Variants in PLXNA4 observed in about 807,000 individuals in gnomAD.
The protein encoded by PLXNA4 is plexin-A4.
Under a neutral mutation model 191.8 loss-of-function variants are expected in PLXNA4, and 44 were observed. The observed-to-expected ratio is 0.23, with a 90% CI of 0.18 to 0.29. The LOEUF (loss-of-function observed/expected upper bound fraction) is 0.29, where lower values mean the gene tolerates loss of function less well. Among genes scored for constraint, PLXNA4 ranks in the 10% least tolerant of loss-of-function variants. PLXNA4 has a pLI of 1.00. For missense variants in PLXNA4, 1,800 were observed against 2,488.8 expected (o/e 0.72, Z 5.89); for synonymous variants, 1,082 against 1,009.5 (o/e 1.07, Z -1.36).
intron 3 of PLXNA4, among the ~76,000 whole-genome samples, chr7:132,410,610 A>G (rs1794417107): frequency 6.6e-6 from 1 of 152,182 alleles, no homozygotes; most frequent in Non-Finnish European, 1.5e-5. Flanking sequence ...TAGAGGAAGG[A>G]GGGTTACCAA....
rs563507501 is a variant in PLXNA4, at chr7:132,215,386, G to A, written c.2098-4243C>T. 6.6e-5 allele frequency among the ~76,000 whole-genome samples: 10 copies of A among 152,336 alleles called. No individual in the cohort carries two copies. In the South Asian group the frequency reaches 8.3e-4, roughly 13 times the overall value. ...AAAATGAAGGGATTGGTTTGGATTC[G>A]ATGAATTGTGTAGTCCCTGGAATAT... On this transcript the variant is annotated intron_variant, in intron 9 of 31. Coordinates refer to ENST00000321063, the MANE Select transcript of PLXNA4 (RefSeq NM_020911.2).
intron 1 of PLXNA4, among the ~76,000 whole-genome samples, chr7:132,513,842 T>G (rs1798834125): frequency 6.6e-6 from 1 of 151,134 alleles, no homozygotes; most frequent in Non-Finnish European, 1.5e-5. Flanking sequence ...GCCTGGCTAA[T>G]TTTTGTACTT....
chr7:132,304,770 A>ACC (rs1196286581), intron 3 of PLXNA4, among the ~76,000 whole-genome samples: 1 of 151,362 alleles, frequency 6.6e-6, no homozygotes, highest in African/African-American at 2.4e-5. Flanking sequence ...TTTTGCAACC[A>ACC]CCCCCAACCC....
At chr7:132,408,035 A>AT (rs1408626610) in intron 3 of PLXNA4, among the ~76,000 whole-genome samples, 1 of 151,638 alleles carries the variant, frequency 6.6e-6, no homozygotes, top group African/African-American at 2.4e-5. Flanking sequence ...AAATACAGGG[A>AT]TTTAAAAAAA....
intron 3 of PLXNA4, among the ~76,000 whole-genome samples, chr7:132,403,198 C>T (rs1379009300): frequency 1.3e-5 from 2 of 152,218 alleles, no homozygotes; most frequent in Non-Finnish European, 2.9e-5. Context: ...CTCAGAGGCC[C>T]TGACGCCTGC....
intron 2 of PLXNA4, among the ~76,000 whole-genome samples, chr7:132,624,662 A>G (rs1342369299): frequency 6.6e-6 from 1 of 152,208 alleles, no homozygotes; most frequent in East Asian, 1.9e-4. Flanking sequence ...GGGTCCTGGT[A>G]TAAGTCATGA....
At chr7:132,171,107 C>T (rs1796273182) in intron 21 of PLXNA4, among the ~76,000 whole-genome samples, 1 of 152,222 alleles carries the variant, frequency 6.6e-6, no homozygotes, top group Non-Finnish European at 1.5e-5. Context: ...CTGTGACCAC[C>T]CCCATCACAT....
intron 2 of PLXNA4, among the ~76,000 whole-genome samples, chr7:132,499,675 C>T (rs555930279): frequency 3.5e-4 from 54 of 152,246 alleles, no homozygotes; most frequent in Admixed American, 9.8e-4. Context: ...TGGCCCTGCT[C>T]CCCAGGCTGA....
chr7:132,183,634 C>T (rs1355032533), intron 16 of PLXNA4, among the ~76,000 whole-genome samples: 1 of 152,218 alleles, frequency 6.6e-6, no homozygotes, highest in Non-Finnish European at 1.5e-5. Context: ...AGTTTGTTGA[C>T]TAAGTCACAA....
In PLXNA4 at chr7:132,226,204, C is replaced by T. The variant is rs1012133330; in HGVS notation, c.1939G>A (p.Ala647Thr). The T allele has an allele frequency of 1.2e-5, 19 of 1,613,768 alleles. No individual in the cohort carries two copies. Among genetic ancestry groups the T allele is most frequent in the African/African-American group, 2.7e-5 (2 of 74,896 alleles). ...TTGTAGAAGACAAAGCTGGTGCTGG[C>T]GAAGGTCATGCCGGTCTCCTTTGAT... is the stretch of plus-strand genomic sequence containing the variant. ...LKSKETGMTF[A>T]STSFVFYNCS... The change falls in exon 8 of 32, where the codon GCC (alanine) becomes ACC (threonine). Residue 647 changes from alanine to threonine, a missense_variant. Physicochemically the swap from Ala to Thr is moderately conservative, Grantham distance 58. Transcript: ENST00000321063.
chr7:132,490,167 T>C (rs1030259199), intron 2 of PLXNA4, among the ~76,000 whole-genome samples: 1 of 152,142 alleles, frequency 6.6e-6, no homozygotes, highest in African/African-American at 2.4e-5. Flanking sequence ...TTTAGAGCAT[T>C]GTGAAGAAGG....
chr7:132,158,860 C>T (rs1261603043), intron 25 of PLXNA4, among the ~76,000 whole-genome samples: 1 of 152,232 alleles, frequency 6.6e-6, no homozygotes, highest in Non-Finnish European at 1.5e-5. Context: ...GCTCTAAGTA[C>T]AGGTGGCCCT....
intron 3 of PLXNA4, among the ~76,000 whole-genome samples, chr7:132,474,214 TCACACA>T (rs56832356): frequency 0.025 from 3,439 of 139,906 alleles, 59 homozygotes; most frequent in African/African-American, 0.044. Context: ...TCTCTCTGTC[TCACACA>T]CACACACACA....
intron 30 of PLXNA4, among the ~76,000 whole-genome samples, chr7:132,136,772 G>A (rs1018028553): frequency 1.8e-4 from 27 of 152,224 alleles, no homozygotes; most frequent in Admixed American, 1.4e-3. Context: ...AGGACACAGC[G>A]TTGGCATTCC....
chr7:132,406,211 C>A (rs1201464191), intron 3 of PLXNA4, among the ~76,000 whole-genome samples: 1 of 152,170 alleles, frequency 6.6e-6, no homozygotes, highest in Non-Finnish European at 1.5e-5. Context: ...AATTCTCAGC[C>A]CAGACAGAAG....
chr7:132,392,648 C>T (rs1006571931), intron 3 of PLXNA4, among the ~76,000 whole-genome samples: 3 of 152,240 alleles, frequency 2.0e-5, no homozygotes, highest in Admixed American at 1.3e-4. Context: ...AGCTGAGCAT[C>T]GCGCATTGCT....
At chr7:132,381,285 T>A (rs528786189) in intron 3 of PLXNA4, among the ~76,000 whole-genome samples, 2 of 152,322 alleles carry the variant, frequency 1.3e-5, no homozygotes, top group East Asian at 3.9e-4. Flanking sequence ...CAATCTGATC[T>A]TGTCCCTTCT....
At chr7:132,333,566 G>C (rs1802683128) in intron 3 of PLXNA4, among the ~76,000 whole-genome samples, 1 of 152,312 alleles carries the variant, frequency 6.6e-6, no homozygotes, top group South Asian at 2.1e-4. Flanking sequence ...GCTCTTAATT[G>C]TGCCTGCTCC....
At chr7:132,541,223 C>T (rs1477138397) in intron 1 of PLXNA4, among the ~76,000 whole-genome samples, 1 of 152,130 alleles carries the variant, frequency 6.6e-6, no homozygotes, top group Non-Finnish European at 1.5e-5. Flanking sequence ...ATACATAGCC[C>T]CTTTCCCTAG....
Sources: allele counts gnomAD v4.1 joint callset (sites outside exome capture counted in the v4.1 genomes callset), GRCh38; gene constraint gnomAD v4.1.1; transcripts MANE v1.5; gene names NCBI Gene and HGNC (gene_info 2026-07-23, HGNC 2026-07-21).